The following KHDRBS2 variants were observed in gnomAD, a reference collection of about 807,000 sequenced individuals.
KHDRBS2 encodes KH domain-containing, RNA-binding, signal transduction-associated protein 2.
A neutral mutation model predicts 44.3 loss-of-function variants in KHDRBS2; 26 were observed. The ratio of observed to expected loss-of-function variants is 0.59; its 90% CI spans 0.43 to 0.81. The LOEUF is 0.81. Among genes scored for constraint, KHDRBS2 ranks in the 40% least tolerant of loss-of-function variants. The probability of loss-of-function intolerance (pLI) is 0.00; values close to 1 mark genes in which losing one functional copy is unlikely to be tolerated. For missense variants in KHDRBS2, 476 were observed against 433.1 expected, an observed-to-expected ratio of 1.10 and a Z score of -0.88; for synonymous variants, 194 against 151.1, an observed-to-expected ratio of 1.28 and a Z score of -2.08.
the KHDRBS2 span, among the ~76,000 whole-genome samples, chr6:61,560,699 G>A: frequency 4.6e-5 from 7 of 152,018 alleles, no homozygotes; most frequent in Non-Finnish European, 1.0e-4. Flanking sequence ...TTCTCTGATA[G>A]AATTCGGAAT....
chr6:61,585,972 C>T, the KHDRBS2 span, among the ~76,000 whole-genome samples: 20 of 152,164 alleles, frequency 1.3e-4, no homozygotes, highest in Admixed American at 1.3e-3. Context: ...AATCTGAGAG[C>T]TATTGGTAGC....
intron 1 of KHDRBS2, among the ~76,000 whole-genome samples, chr6:62,238,124 A>T (rs892905748): frequency 2.0e-5 from 3 of 152,050 alleles, no homozygotes; most frequent in Non-Finnish European, 4.4e-5. Flanking sequence ...TTGTCAAATT[A>T]ATTAGATGTA....
intron 6 of KHDRBS2, among the ~76,000 whole-genome samples, chr6:61,852,892 CT>C (rs1256359979): frequency 6.6e-6 from 1 of 152,044 alleles, no homozygotes; most frequent in Non-Finnish European, 1.5e-5. Flanking sequence ...CAAAAACCAC[CT>C]ACATATATAA....
intron 6 of KHDRBS2, among the ~76,000 whole-genome samples, chr6:61,791,038 T>C (rs1446625761): frequency 1.3e-5 from 2 of 151,498 alleles, no homozygotes; most frequent in African/African-American, 2.4e-5. Context: ...TAAATTTTCA[T>C]ATTTATTGGA....
the KHDRBS2 span, among the ~76,000 whole-genome samples, chr6:61,553,323 TG>T: frequency 6.6e-6 from 1 of 152,114 alleles, no homozygotes; most frequent in Non-Finnish European, 1.5e-5. Flanking sequence ...AGAGTTTTTT[TG>T]TTGTTATGGG....
At chr6:61,692,336 C>A (rs1199263597) in intron 8 of KHDRBS2, among the ~76,000 whole-genome samples, 7 of 151,528 alleles carry the variant, frequency 4.6e-5, no homozygotes, top group Non-Finnish European at 8.8e-5. Flanking sequence ...TTAATAGTAA[C>A]CAATTGAAAA....
chr6:61,694,050 C>T (rs539294019), intron 8 of KHDRBS2, among the ~76,000 whole-genome samples: 6 of 152,204 alleles, frequency 3.9e-5, no homozygotes, highest in African/African-American at 1.4e-4. Context: ...GATCTCAGTG[C>T]ATGTAATTCT....
intron 3 of KHDRBS2, among the ~76,000 whole-genome samples, chr6:62,036,931 A>C (rs1279484239): frequency 6.6e-6 from 1 of 152,024 alleles, no homozygotes; most frequent in Non-Finnish European, 1.5e-5. Context: ...GTTATTCCTC[A>C]GACCAGATGA....
chr6:62,163,078 C>T (rs1456695293), intron 2 of KHDRBS2, among the ~76,000 whole-genome samples: 1 of 151,948 alleles, frequency 6.6e-6, no homozygotes, highest in Non-Finnish European at 1.5e-5. Flanking sequence ...AATTTGTAGA[C>T]AGAGAAGAGC....
intron 6 of KHDRBS2, among the ~76,000 whole-genome samples, chr6:61,887,420 C>T (rs187545859): frequency 2.6e-5 from 4 of 151,938 alleles, no homozygotes; most frequent in Non-Finnish European, 4.4e-5. Context: ...TAAATTTACT[C>T]GTCTTAGCAG....
chr6:62,176,582 T>G (rs886724672), intron 2 of KHDRBS2, among the ~76,000 whole-genome samples: 1 of 151,254 alleles, frequency 6.6e-6, no homozygotes, highest in African/African-American at 2.4e-5. Flanking sequence ...CCCATTGAAA[T>G]GTATGAATAT....
chr6:62,105,168 G>C (rs1442125806), intron 2 of KHDRBS2, among the ~76,000 whole-genome samples: 1 of 151,948 alleles, frequency 6.6e-6, no homozygotes, highest in Non-Finnish European at 1.5e-5. Flanking sequence ...AGTCAAGATG[G>C]CTTCAATAGT....
chr6:62,123,739 G>C (rs1445754975), intron 2 of KHDRBS2, among the ~76,000 whole-genome samples: 5 of 152,192 alleles, frequency 3.3e-5, no homozygotes, highest in African/African-American at 1.2e-4. Flanking sequence ...CACTCGATGA[G>C]ATGCATTTTA....
chr6:61,980,788 G>C (rs367897505), intron 3 of KHDRBS2, among the ~76,000 whole-genome samples: 7 of 152,216 alleles, frequency 4.6e-5, no homozygotes, highest in African/African-American at 1.7e-4. Context: ...CTGCAGGACA[G>C]AGGACTGACT....
chr6:62,095,180 A>C (rs540874187), intron 2 of KHDRBS2, among the ~76,000 whole-genome samples: 35 of 152,014 alleles, frequency 2.3e-4, no homozygotes, highest in African/African-American at 8.4e-4. Context: ...AGAAATAAAG[A>C]AAGCAATCCC....
At chr6:61,544,674 T>A in the KHDRBS2 span, among the ~76,000 whole-genome samples, 1 of 152,052 alleles carries the variant, frequency 6.6e-6, no homozygotes, top group African/African-American at 2.4e-5. Flanking sequence ...AGGAGTTCTT[T>A]ACAAAAATTT....
At chr6:61,714,396 T>C (rs2127552224) in intron 7 of KHDRBS2, among the ~76,000 whole-genome samples, 1 of 151,920 alleles carries the variant, frequency 6.6e-6, no homozygotes, top group East Asian at 1.9e-4. Flanking sequence ...ATAGCAGATG[T>C]TGGCAAGGAT....
intron 1 of KHDRBS2, among the ~76,000 whole-genome samples, chr6:62,201,859 C>A (rs1827063599): frequency 6.6e-6 from 1 of 151,740 alleles, no homozygotes; most frequent in Non-Finnish European, 1.5e-5. Flanking sequence ...TTACACAATT[C>A]AAAGTTACGC....
the KHDRBS2 span, among the ~76,000 whole-genome samples, chr6:61,572,505 C>A: frequency 2.0e-5 from 3 of 152,024 alleles, no homozygotes; most frequent in Admixed American, 2.0e-4. Flanking sequence ...CAGGAAAAGA[C>A]ATAACAAACA....
Sources: gnomAD v4.1 joint callset for allele counts (sites outside exome capture counted in the v4.1 genomes callset) on GRCh38, gnomAD v4.1.1 for gene constraint, MANE v1.5 for transcripts, NCBI Gene and HGNC (gene_info 2026-07-23, HGNC 2026-07-21) for gene names.